Variants in VWA3B observed in about 807,000 individuals in gnomAD.
VWA3B encodes von Willebrand factor A domain-containing protein 3B.
Under a neutral mutation model 158.3 loss-of-function variants are expected in VWA3B, and 138 were observed. The observed-to-expected ratio is 0.87, with a 90% CI of 0.76 to 1.00. VWA3B has a LOEUF of 1.00. Among genes scored for constraint, VWA3B ranks in the 50% least tolerant of loss-of-function variants. The pLI, the probability that VWA3B is intolerant of heterozygous loss-of-function variation, is 0.00. For missense variants in VWA3B, 1,555 were observed against 1,565.1 expected (o/e 0.99, Z 0.11); for synonymous variants, 596 against 587.3 (o/e 1.01, Z -0.21).
At chr2:98,113,904 T>C (rs1232493746) in intron 2 of VWA3B, among the ~76,000 whole-genome samples, 2 of 152,224 alleles carry the variant, frequency 1.3e-5, no homozygotes, top group African/African-American at 4.8e-5. Context: ...TCTTATCCAT[T>C]TACCAGTTGA....
At chr2:98,240,606 CTG>C (rs1372487001) in intron 19 of VWA3B, among the ~76,000 whole-genome samples, 1 of 152,180 alleles carries the variant, frequency 6.6e-6, no homozygotes, top group Non-Finnish European at 1.5e-5. Flanking sequence ...AAGAAGAACT[CTG>C]TGTAATACTT....
chr2:98,167,365 G>GA (rs536085885), intron 8 of VWA3B, among the ~76,000 whole-genome samples: 103 of 147,748 alleles, frequency 7.0e-4, no homozygotes, highest in Middle Eastern at 7.1e-3. Flanking sequence ...GAGTTCCCTG[G>GA]AAAAAAAAAA....
At chr2:98,101,573 C>T (rs750336911) in intron 2 of VWA3B, among the ~76,000 whole-genome samples, 1 of 152,196 alleles carries the variant, frequency 6.6e-6, no homozygotes, top group Non-Finnish European at 1.5e-5. Context: ...TTTACCAATT[C>T]CTTGCCAGCT....
intron 8 of VWA3B, among the ~76,000 whole-genome samples, chr2:98,169,444 A>G (rs965948465): frequency 3.3e-5 from 5 of 152,020 alleles, no homozygotes; most frequent in Admixed American, 2.0e-4. Context: ...AAAAATACCC[A>G]ATCCAAAACC....
At chr2:98,300,485 G>A (rs1690109404) in intron 25 of VWA3B, among the ~76,000 whole-genome samples, 1 of 152,132 alleles carries the variant, frequency 6.6e-6, no homozygotes, top group South Asian at 2.1e-4. Flanking sequence ...TCACTCTAGG[G>A]TCTTGGAGCA....
intron 8 of VWA3B, among the ~76,000 whole-genome samples, chr2:98,180,388 C>T (rs1390336484): frequency 3.9e-5 from 6 of 152,190 alleles, no homozygotes; most frequent in Admixed American, 6.5e-5. Context: ...GATGCGGTTT[C>T]GCCATGTTGG....
intron 22 of VWA3B, among the ~76,000 whole-genome samples, chr2:98,272,975 C>T (rs971408398): frequency 1.3e-5 from 2 of 152,110 alleles, no homozygotes; most frequent in African/African-American, 2.4e-5. Context: ...GGTGCTGGCC[C>T]CTTAATCTTG....
intron 25 of VWA3B, among the ~76,000 whole-genome samples, chr2:98,300,541 C>A (rs1690113455): frequency 6.6e-6 from 1 of 151,904 alleles, no homozygotes; most frequent in African/African-American, 2.4e-5. Context: ...CGTCCTCATC[C>A]TCCTCCTCCT....
At chr2:98,100,510 T>A (rs1683008130) in intron 2 of VWA3B, among the ~76,000 whole-genome samples, 1 of 152,230 alleles carries the variant, frequency 6.6e-6, no homozygotes, top group African/African-American at 2.4e-5. Context: ...GAGGCCTGCC[T>A]GTCACTGTGG....
At chr2:98,297,788 G>T in intron 23 of VWA3B, 119 bp from the exon 24 acceptor site, 1 of 1,247,630 alleles carries the variant, frequency 8.0e-7, no homozygotes. Context: ...AAATCAAAGG[G>T]GCACACTGAT....
In VWA3B at chr2:98,166,799, T is replaced by TACACACAC. The variant is rs58860649; in HGVS notation, c.1114+3842_1114+3849dup. ...ATCAGTTCCCTTTGTTTTAATCTAA[T>TACACACAC]ACACACACACACACACACACACACA... On this transcript the variant is annotated intron_variant, in intron 8 of 27. Transcript: ENST00000477737. Among the ~76,000 whole-genome samples the TACACACAC allele has an allele frequency of 6.6e-3, 962 of 145,914 alleles. 15 individuals are homozygous for TACACACAC. The highest frequency in any genetic ancestry group is 0.022 in the South Asian group (101 of 4,496).
intron 7 of VWA3B, among the ~76,000 whole-genome samples, chr2:98,153,419 T>C (rs1023041816): frequency 2.6e-5 from 4 of 152,220 alleles, no homozygotes; most frequent in Admixed American, 2.6e-4. Flanking sequence ...CTTCAGAAAC[T>C]GTGCTTTTTG....
chr2:98,303,104 G>A (rs1690296090), intron 25 of VWA3B, among the ~76,000 whole-genome samples: 1 of 152,202 alleles, frequency 6.6e-6, no homozygotes, highest in Non-Finnish European at 1.5e-5. Flanking sequence ...GAAAGGGAGG[G>A]ATGTTTTAAG....
chr2:98,303,587 C>T (rs1289316554), intron 25 of VWA3B, 115 bp from the exon 26 acceptor site: 1 of 943,298 alleles, frequency 1.1e-6, no homozygotes, highest in Non-Finnish European at 1.6e-6. Flanking sequence ...TAAGTGTCAC[C>T]CTGAATAGGA....
At chr2:98,296,391 G>T (rs376243132) in intron 23 of VWA3B, among the ~76,000 whole-genome samples, 4 of 136,414 alleles carry the variant, frequency 2.9e-5, no homozygotes, top group South Asian at 4.3e-4. Flanking sequence ...GATTAAAAAG[G>T]TAAAGTCAGT....
intron 26 of VWA3B, among the ~76,000 whole-genome samples, chr2:98,304,688 G>A (rs1196723451): frequency 6.6e-6 from 1 of 151,990 alleles, no homozygotes; most frequent in Non-Finnish European, 1.5e-5. Flanking sequence ...GGCTCCAGAG[G>A]CCCATCCTCC....
intron 20 of VWA3B, 26 bp from the exon 21 acceptor site, chr2:98,256,098 T>C (rs1687118896): frequency 6.2e-7 from 1 of 1,612,286 alleles, no homozygotes; most frequent in Admixed American, 1.7e-5. Context: ...GCTACAAAAT[T>C]ATTGTTGACT....
the VWA3B span, among the ~76,000 whole-genome samples, chr2:98,324,545 C>T: frequency 6.6e-6 from 1 of 152,132 alleles, no homozygotes; most frequent in Non-Finnish European, 1.5e-5. Context: ...ATTTTAACTG[C>T]CACTCAAGAG....
chr2:98,165,586 G>A (rs1392044601), intron 8 of VWA3B, among the ~76,000 whole-genome samples: 2 of 152,200 alleles, frequency 1.3e-5, no homozygotes, highest in Non-Finnish European at 2.9e-5. Flanking sequence ...GATGCAGTTA[G>A]AGGAGAAATG....
Sources: allele counts gnomAD v4.1 joint callset (sites outside exome capture counted in the v4.1 genomes callset), GRCh38; gene constraint gnomAD v4.1.1; transcripts MANE v1.5; gene names NCBI Gene and HGNC (gene_info 2026-07-23, HGNC 2026-07-21).